Variants in CERS4 observed in about 807,000 individuals in gnomAD.
CERS4 encodes LAG1 homolog, ceramide synthase 4.
A neutral mutation model predicts 51.8 loss-of-function variants in CERS4; 65 were observed. That is an observed-to-expected ratio of 1.26 (90% confidence interval 1.03 to 1.54). The LOEUF is 1.54. Among genes scored for constraint, CERS4 ranks in the 40% most tolerant of loss-of-function variants. The pLI is 0.00. For missense variants in CERS4, 563 were observed against 500.4 expected (o/e 1.13, Z -1.19); for synonymous variants, 228 against 208.4 (o/e 1.09, Z -0.81).
chr19:8,216,750 C>T (rs1967315911), intron 2 of CERS4, among the ~76,000 whole-genome samples: 2 of 152,064 alleles, frequency 1.3e-5, no homozygotes, highest in African/African-American at 4.8e-5. Flanking sequence ...AGTGGGCACC[C>T]GATAAATGTG....
chr19:8,221,883 T>TTTA (rs1397821897), intron 2 of CERS4, among the ~76,000 whole-genome samples: 1 of 99,326 alleles, frequency 1.0e-5, no homozygotes, highest in Non-Finnish European at 2.1e-5. Flanking sequence ...TTTTTTTTTT[T>TTTA]TTTTTTTTTT....
At chr19:8,254,322 CAAAAAAAAA>C (rs74176633) in intron 3 of CERS4, among the ~76,000 whole-genome samples, 168 bp from the exon 4 acceptor site, 1 of 38,782 alleles carries the variant, frequency 2.6e-5, no homozygotes, top group East Asian at 6.3e-4. Flanking sequence ...TACTCTGTCT[CAAAAAAAAA>C]AAAAAAAAAA....
intron 2 of CERS4, among the ~76,000 whole-genome samples, chr19:8,228,222 G>A (rs1239406173): frequency 6.6e-6 from 1 of 152,040 alleles, no homozygotes; most frequent in Non-Finnish European, 1.5e-5. Context: ...GTGAGCCAAC[G>A]TGCCCTGCCA....
intron 6 of CERS4, 95 bp downstream of exon 6, chr19:8,255,974 G>C (rs1376150794): frequency 7.4e-6 from 10 of 1,349,188 alleles, no homozygotes; most frequent in Non-Finnish European, 9.5e-6. Flanking sequence ...CAGCCAGAGA[G>C]GAAAACATGC....
chr19:8,220,042 G>A (rs188179874), intron 2 of CERS4, among the ~76,000 whole-genome samples: 1 of 151,654 alleles, frequency 6.6e-6, no homozygotes, highest in Non-Finnish European at 1.5e-5. Flanking sequence ...GAGCTCCACG[G>A]CTGCTGCCCT....
In CERS4 at chr19:8,256,765, CTGGGGGGT is replaced by C. The variant is rs1398186135; in HGVS notation, c.612+56_612+63del. 4.4e-6 allele frequency: 7 copies of C among 1,587,356 alleles called. No homozygotes were observed. In the East Asian group the frequency reaches 6.7e-5, roughly 15 times the overall value. ...AGTCTCTGGCCGGGATGCTGGGGTG[CTGGGGGGT>C]AGGGCAGCCTTACAACCGCACCTTG... On this transcript the variant is annotated intron_variant, in intron 8 of 11. Transcript: ENST00000251363.
At chr19:8,235,061 T>A (rs189423098) in intron 2 of CERS4, among the ~76,000 whole-genome samples, 1 of 143,798 alleles carries the variant, frequency 7.0e-6, no homozygotes, top group Non-Finnish European at 1.5e-5. Flanking sequence ...CAGACTGGAG[T>A]GCAATGGCAG....
intron 2 of CERS4, among the ~76,000 whole-genome samples, chr19:8,225,616 G>T (rs1416494226): frequency 1.3e-5 from 2 of 151,572 alleles, no homozygotes; most frequent in African/African-American, 4.8e-5. Context: ...TAGAGATGGG[G>T]TTTCTCCATG....
intron 3 of CERS4, among the ~76,000 whole-genome samples, chr19:8,251,779 C>T (rs539967964): frequency 1.4e-5 from 2 of 147,888 alleles, no homozygotes; most frequent in African/African-American, 5.0e-5. Flanking sequence ...ACTCCAGCCT[C>T]GGCAACAGAG....
At chr19:8,241,949 G>A (rs191726372) in intron 2 of CERS4, among the ~76,000 whole-genome samples, 20 of 152,186 alleles carry the variant, frequency 1.3e-4, no homozygotes, top group Non-Finnish European at 2.5e-4. Context: ...AGAAATTGAG[G>A]AACACATCCC....
At chr19:8,223,664 T>C (rs955332692) in intron 2 of CERS4, among the ~76,000 whole-genome samples, 7 of 151,820 alleles carry the variant, frequency 4.6e-5, no homozygotes, top group Non-Finnish European at 7.4e-5. Flanking sequence ...TGCACGCCTA[T>C]AATCCCAGCT....
intron 2 of CERS4, among the ~76,000 whole-genome samples, chr19:8,244,009 G>C (rs912356270): frequency 2.0e-5 from 3 of 152,228 alleles, no homozygotes; most frequent in African/African-American, 7.2e-5. Flanking sequence ...AATCAGCTGA[G>C]CTTGAGATGG....
chr19:8,235,011 CTT>C (rs567754538), intron 2 of CERS4, among the ~76,000 whole-genome samples: 4 of 110,646 alleles, frequency 3.6e-5, no homozygotes, highest in African/African-American at 3.6e-5. Context: ...TTCTTTCTTT[CTT>C]TTTTTTTTTT....
intron 2 of CERS4, among the ~76,000 whole-genome samples, chr19:8,222,805 G>A (rs1013985316): frequency 5.9e-5 from 9 of 152,146 alleles, no homozygotes; most frequent in Admixed American, 5.2e-4. Flanking sequence ...GCCAGCACGA[G>A]CCTTTTGAAG....
At chr19:8,259,006 C>T (rs147119816) in intron 10 of CERS4, among the ~76,000 whole-genome samples, 3,933 of 143,570 alleles carry the variant, frequency 0.027, 118 homozygotes, top group African/African-American at 0.084. Context: ...TGGTGGCACA[C>T]GCCCGTAATC....
Position 8,259,783 on chromosome 19 carries a change from TTG to T in CERS4, c.848+1800_848+1801del, listed in dbSNP as rs1276167196. 5.9e-5 allele frequency among the ~76,000 whole-genome samples: 9 copies of T among 151,768 alleles called. No homozygotes were observed. The East Asian group carries it at 1.7e-3, about 29-fold the overall frequency. On this transcript the variant is annotated intron_variant, in intron 10 of 11. Coordinates refer to ENST00000251363, the MANE Select transcript of CERS4 (RefSeq NM_024552.3). ...TCTGGGGAAAGAGGTAATGTAGGAG[TTG>T]TCAGTCCATGGCTGGTATTTGCAGC...
intron 2 of CERS4, among the ~76,000 whole-genome samples, chr19:8,219,642 T>TC (rs1251867565): frequency 6.7e-6 from 1 of 150,212 alleles, no homozygotes; most frequent in Non-Finnish European, 1.5e-5. Context: ...CATGGTGAAA[T>TC]CCCGTCTCTA....
intron 10 of CERS4, among the ~76,000 whole-genome samples, chr19:8,258,484 G>A (rs184844644): frequency 1.7e-3 from 259 of 152,104 alleles, no homozygotes; most frequent in Middle Eastern, 3.4e-3. Context: ...TGAGGCGGGC[G>A]GGTCACTTGA....
At chr19:8,237,331 C>T in intron 2 of CERS4, among the ~76,000 whole-genome samples, 1 of 151,980 alleles carries the variant, frequency 6.6e-6, no homozygotes. Flanking sequence ...GCGGGCAGAC[C>T]ACCTGAGGTC....
Sources: gnomAD v4.1 joint callset for allele counts (sites outside exome capture counted in the v4.1 genomes callset) on GRCh38, gnomAD v4.1.1 for gene constraint, MANE v1.5 for transcripts, NCBI Gene and HGNC (gene_info 2026-07-23, HGNC 2026-07-21) for gene names.